APBA1: variants seen among roughly 807,000 people sequenced by gnomAD.
The protein encoded by APBA1 is amyloid-beta A4 precursor protein-binding family A member 1.
APBA1 carries 55 observed loss-of-function variants against 86.6 expected under a neutral mutation model. The observed-to-expected ratio is 0.64, with a 90% CI of 0.51 to 0.80. The LOEUF (loss-of-function observed/expected upper bound fraction) is 0.80. Among genes scored for constraint, APBA1 ranks in the 30% least tolerant of loss-of-function variants. The pLI is 0.00. For missense variants in APBA1, 1,090 were observed against 1,183.0 expected (o/e 0.92, Z 1.15); for synonymous variants, 511 against 493.9 (o/e 1.03, Z -0.46).
chr9:69,651,797 T>A (rs1018524748), intron 1 of APBA1, among the ~76,000 whole-genome samples: 1 of 152,174 alleles, frequency 6.6e-6, no homozygotes, highest in African/African-American at 2.4e-5. Context: ...TTTAACAAAA[T>A]TGACTGCCAA....
chr9:69,662,021 A>AACACACACACAC (rs3069250), intron 1 of APBA1, among the ~76,000 whole-genome samples: 65 of 146,760 alleles, frequency 4.4e-4, no homozygotes, highest in African/African-American at 1.4e-3. Flanking sequence ...GACAAACAGT[A>AACACACACACAC]ACACACACAC....
At chr9:69,517,376 T>G in intron 1 of APBA1, 97 bp from the exon 2 acceptor site, 2 of 1,201,174 alleles carry the variant, frequency 1.7e-6, no homozygotes, top group Non-Finnish European at 2.1e-6. Flanking sequence ...TATTGATTCC[T>G]TTTAGTTCTG....
Position 69,503,883 on chromosome 9 carries a change from G to C in APBA1, c.1200+12128C>G, listed in dbSNP as rs76876846. Among the ~76,000 whole-genome samples the C allele has an allele frequency of 7.1e-3, 1,084 of 152,212 alleles. 15 individuals carry two copies. The highest frequency in any genetic ancestry group is 0.024 in the African/African-American group (1,009 of 41,548). ...GGAGATTCTCTCTGCTGCATTCCCA[G>C]GTTGGGTCCCCCGTTTCCTGGATCT... On this transcript the variant is annotated intron_variant, in intron 2 of 12. Transcript: ENST00000265381.
At chr9:69,570,795 G>A (rs776782754) in intron 1 of APBA1, among the ~76,000 whole-genome samples, 1 of 152,040 alleles carries the variant, frequency 6.6e-6, no homozygotes, top group African/African-American at 2.4e-5. Flanking sequence ...ACATGAACAG[G>A]CTATAAATTA....
intron 1 of APBA1, among the ~76,000 whole-genome samples, chr9:69,610,200 G>T (rs1210451624): frequency 6.6e-6 from 1 of 152,070 alleles, no homozygotes; most frequent in Admixed American, 6.6e-5. Flanking sequence ...CATGCCTATA[G>T]TCCTAGCTGC....
At position 69,516,338 on chromosome 9, in the gene APBA1, C is replaced by T; in HGVS notation, c.873G>A (p.Glu291=). ...MSSQSLDKAA[E]DMPEAEQDLE... ...GGTCCTGCTCGGCCTCAGGCATGTC[C>T]TCGGCTGCCTTGTCGAGGCTCTGCG... Residue 291 remains glutamate, a synonymous_variant, in exon 2 of 13, where the codon GAG becomes GAA. Transcript: ENST00000265381. This position sits in a 1 kb window ranked among gnomAD's most constrained non-coding sequence, Gnocchi z 7.3. 1 of 1,596,422 alleles carries T rather than the reference C, an allele frequency of 6.3e-7. No homozygotes were observed.
chr9:69,544,806 A>T (rs1836671050), intron 1 of APBA1, among the ~76,000 whole-genome samples: 1 of 152,184 alleles, frequency 6.6e-6, no homozygotes, highest in South Asian at 2.1e-4. Flanking sequence ...ATCTAGGTAG[A>T]TGGTTTCAAG....
intron 11 of APBA1, among the ~76,000 whole-genome samples, chr9:69,440,297 C>T (rs1834793151): frequency 1.3e-5 from 2 of 152,232 alleles, no homozygotes; most frequent in African/African-American, 2.4e-5. Flanking sequence ...AGAACCACTA[C>T]TCTCTTCAAA....
intron 8 of APBA1, 152 bp from the exon 9 acceptor site, chr9:69,452,453 C>T (rs1835027338): frequency 1.5e-6 from 1 of 668,072 alleles, no homozygotes; most frequent in African/African-American, 1.8e-5. Flanking sequence ...CGTGGGGCTA[C>T]CAGTGCCCAC....
intron 2 of APBA1, among the ~76,000 whole-genome samples, chr9:69,492,943 C>A (rs1835737699): frequency 6.6e-6 from 1 of 152,078 alleles, no homozygotes; most frequent in African/African-American, 2.4e-5. Context: ...CCAAATCCAT[C>A]TGAGACTCAG....
rs554497619 is a variant in APBA1, at chr9:69,634,378, G to T, written c.-70+37775C>A. 3.3e-5 allele frequency among the ~76,000 whole-genome samples: 5 copies of T among 152,296 alleles called. No homozygotes were observed. In the South Asian group the frequency reaches 1.0e-3, roughly 32 times the overall value. Reference sequence around the variant, plus strand: ...CAGAGGGGAATTGCCCATTCTGGTCGTTGCAACTTGAGTTCCTGCAAGTCT... The same window carrying T: ...CAGAGGGGAATTGCCCATTCTGGTCTTTGCAACTTGAGTTCCTGCAAGTCT... On this transcript the variant is annotated intron_variant, in intron 1 of 12. Coordinates refer to ENST00000265381, the MANE Select transcript of APBA1 (RefSeq NM_001163.4).
intron 9 of APBA1, 109 bp downstream of exon 9, chr9:69,452,013 C>T (rs376501899): frequency 8.3e-5 from 85 of 1,026,696 alleles, no homozygotes; most frequent in South Asian, 5.3e-4. Flanking sequence ...CCTGCCAATA[C>T]GGCACTCCTC....
intron 1 of APBA1, among the ~76,000 whole-genome samples, chr9:69,551,175 T>C (rs1836778602): frequency 6.6e-6 from 1 of 152,208 alleles, no homozygotes; most frequent in Admixed American, 6.5e-5. Context: ...AGGAATGAGG[T>C]CACGGCTGCT....
At chr9:69,629,693 T>C (rs1481194138) in intron 1 of APBA1, among the ~76,000 whole-genome samples, 6 of 152,314 alleles carry the variant, frequency 3.9e-5, no homozygotes, top group Non-Finnish European at 8.8e-5. Context: ...CTCAACATAT[T>C]ACATATTCAT....
At chr9:69,630,705 T>C (rs1823025436) in intron 1 of APBA1, among the ~76,000 whole-genome samples, 1 of 152,154 alleles carries the variant, frequency 6.6e-6, no homozygotes, top group African/African-American at 2.4e-5. Flanking sequence ...CACTCCCCTC[T>C]CTCCATGACA....
intron 2 of APBA1, among the ~76,000 whole-genome samples, chr9:69,511,007 C>T (rs1394244381): frequency 6.6e-6 from 1 of 150,890 alleles, no homozygotes; most frequent in Non-Finnish European, 1.5e-5. Context: ...AGGACATAGG[C>T]ATGGGCAAGG....
chr9:69,468,147 G>A (rs1460602344), intron 4 of APBA1, among the ~76,000 whole-genome samples, 179 bp from the exon 5 acceptor site: 2 of 152,130 alleles, frequency 1.3e-5, no homozygotes, highest in African/African-American at 4.8e-5. Flanking sequence ...TCAAATAGAA[G>A]GCACAGTTTC....
intron 1 of APBA1, among the ~76,000 whole-genome samples, chr9:69,549,207 C>T (rs1257134590): frequency 6.6e-6 from 1 of 152,168 alleles, no homozygotes; most frequent in African/African-American, 2.4e-5. Context: ...GCAATCTCAT[C>T]TCTAAAGCAA....
intron 8 of APBA1, 135 bp downstream of exon 8, chr9:69,456,112 A>T: frequency 1.0e-6 from 1 of 989,252 alleles, no homozygotes; most frequent in Non-Finnish European, 1.5e-6. Flanking sequence ...TTATATCTCT[A>T]GTGCTGGAAC....
Sources: gnomAD v4.1 joint callset for allele counts (sites outside exome capture counted in the v4.1 genomes callset) on GRCh38, gnomAD v4.1.1 for gene constraint, Gnocchi (gnomAD v3.1) non-coding constraint, MANE v1.5 for transcripts, NCBI Gene and HGNC (gene_info 2026-07-23, HGNC 2026-07-21) for gene names.